The following KIRREL3 variants were observed in gnomAD, a reference collection of about 807,000 sequenced individuals.
The protein encoded by KIRREL3 is kin of IRRE-like protein 3.
In KIRREL3, 36 loss-of-function variants were observed where a neutral mutation model predicts 89.7. The observed-to-expected ratio is 0.40, with a 90% confidence interval of 0.31 to 0.53. The LOEUF is 0.53. Ranked by LOEUF, KIRREL3 falls within the 20% of genes least tolerant of loss-of-function variation. KIRREL3 has a pLI of 0.49. For missense variants in KIRREL3, 864 were observed against 1,056.6 expected (o/e 0.82, Z 2.53); for synonymous variants, 445 against 441.4 (o/e 1.01, Z -0.10).
At position 126,802,560 on chromosome 11, in the gene KIRREL3, A is replaced by G. The variant is rs1951073585; in HGVS notation, c.55+197895T>C. Among the ~76,000 whole-genome samples the G allele has an allele frequency of 6.6e-6, 1 of 152,100 alleles. No individual in the cohort carries two copies. The highest frequency in any genetic ancestry group is 1.5e-5 in the Non-Finnish European group (1 of 68,016). ...ACATGAGGTGACCTGGCATGTCTAC[A>G]TGGCCTCAGTGTGAGTGAGTGTGGG... On this transcript the variant is annotated intron_variant, in intron 1 of 16. Coordinates refer to ENST00000525144, the MANE Select transcript of KIRREL3 (RefSeq NM_032531.4). This position sits in a 1 kb window ranked among gnomAD's most constrained non-coding sequence, Gnocchi z 5.2.
chr11:126,790,859 T>G (rs1487760811), intron 1 of KIRREL3, among the ~76,000 whole-genome samples: 1 of 152,178 alleles, frequency 6.6e-6, no homozygotes, highest in Admixed American at 6.5e-5. Flanking sequence ...GCTTTGCCAC[T>G]GTCTCCTGTT....
intron 1 of KIRREL3, among the ~76,000 whole-genome samples, chr11:126,865,882 A>G (rs542547434): frequency 2.0e-5 from 3 of 151,986 alleles, no homozygotes; most frequent in South Asian, 4.2e-4. Context: ...TTTTAATTTT[A>G]ACTTTGTTTT....
intron 4 of KIRREL3, among the ~76,000 whole-genome samples, chr11:126,511,948 C>T (rs532122032): frequency 1.5e-3 from 221 of 152,300 alleles, no homozygotes; most frequent in African/African-American, 5.1e-3. Flanking sequence ...TCCCCCAGGG[C>T]GGGCCTCAGA....
chr11:126,959,351 G>A (rs1759633547), intron 1 of KIRREL3, among the ~76,000 whole-genome samples: 1 of 151,936 alleles, frequency 6.6e-6, no homozygotes, highest in Admixed American at 6.5e-5. Context: ...GCACGTGCAT[G>A]CGAGTGTGCA....
intron 1 of KIRREL3, among the ~76,000 whole-genome samples, chr11:126,746,965 T>A: frequency 6.6e-6 from 1 of 152,226 alleles, no homozygotes; most frequent in East Asian, 1.9e-4. Flanking sequence ...TCTCTGCTTT[T>A]AGTGTGCTCT....
At position 126,490,272 on chromosome 11, in the gene KIRREL3, G is replaced by A. The variant is rs571310595; in HGVS notation, c.434-16806C>T. 4.6e-5 allele frequency among the ~76,000 whole-genome samples: 7 copies of A among 152,178 alleles called. No individual in the cohort carries two copies. The highest frequency in any genetic ancestry group is 1.0e-4 in the Non-Finnish European group (7 of 67,994). On this transcript the variant is annotated intron_variant, in intron 4 of 16. Coordinates refer to ENST00000525144, the MANE Select transcript of KIRREL3 (RefSeq NM_032531.4). The surrounding 1 kb of genome is among the most constrained non-coding windows in gnomAD (Gnocchi z 4.2). ...CAAGGCAGCTTTACTTTCTGTGTAT[G>A]TTTATTTTAGACTCCCATTAGCATT...
At chr11:126,941,827 C>A (rs1313998191) in intron 1 of KIRREL3, among the ~76,000 whole-genome samples, 9 of 152,200 alleles carry the variant, frequency 5.9e-5, no homozygotes, top group African/African-American at 1.9e-4. Flanking sequence ...TCAGTGGGCT[C>A]AAAACTTTCC....
rs1949837669 is a variant in KIRREL3 at position 126,985,492 on chromosome 11, A to G, written c.55+14963T>C. Among the ~76,000 whole-genome samples, 2 of 152,092 alleles carry G rather than the reference A, an allele frequency of 1.3e-5. No homozygotes were observed. ...AAGGAAGGAAGGGCATTTAAATTAG[A>G]TTGTGGGGAGAGAGGTCAAGGAAAC... is the stretch of plus-strand genomic sequence containing the variant. On this transcript the variant is annotated intron_variant, in intron 1 of 16. Coordinates refer to ENST00000525144, the MANE Select transcript of KIRREL3 (RefSeq NM_032531.4). The surrounding 1 kb of genome is among the most constrained non-coding windows in gnomAD (Gnocchi z 5.3).
intron 5 of KIRREL3, among the ~76,000 whole-genome samples, chr11:126,472,626 A>C (rs1416704423): frequency 2.0e-5 from 3 of 151,356 alleles, no homozygotes; most frequent in African/African-American, 7.3e-5. Flanking sequence ...GAACCTGGCC[A>C]CTACTGTCCC....
In KIRREL3 at chr11:126,436,972, G is replaced by A. The variant is rs1411229030; in HGVS notation, c.1391C>T (p.Thr464Ile). Residue 464 changes from threonine to isoleucine, a missense_variant, in exon 12 of 17, where the codon ACA (threonine) becomes ATA (isoleucine). Physicochemically the swap from Thr to Ile is moderately conservative, Grantham distance 89. Coordinates refer to ENST00000525144, the MANE Select transcript of KIRREL3 (RefSeq NM_032531.4). ...SWKENVLESGTSGRYTVETIS... is the reference protein window; with the variant it reads ...SWKENVLESGISGRYTVETIS... The stretch of plus-strand genomic sequence containing the variant: ...GGTCTCCACCGTATAGCGCCCCGAT[G>A]TGCCCGACTCCAGAACGTTCTCCTT... 1.3e-6 allele frequency: 2 copies of A among 1,583,060 alleles called. No homozygotes were observed. Among genetic ancestry groups the A allele is most frequent in the South Asian group, 1.1e-5 (1 of 88,146 alleles).
At position 126,535,299 on chromosome 11, in the gene KIRREL3, A is replaced by G. The variant is rs77392339; in HGVS notation, c.134-8612T>C. Among the ~76,000 whole-genome samples the G allele has an allele frequency of 0.027, 4,084 of 152,122 alleles. 192 individuals carry two copies. Among genetic ancestry groups the G allele is most frequent in the African/African-American group, 0.091 (3,758 of 41,446 alleles). On this transcript the variant is annotated intron_variant, in intron 2 of 16. Transcript: ENST00000525144. This position sits in a 1 kb window ranked among gnomAD's most constrained non-coding sequence, Gnocchi z 4.5. ...ACCTGGATGCAGCGCCCTCATCTTA[A>G]TCTCTTTTCTGGGACTCGCAGCACA...
At chr11:126,822,467 C>T (rs1287548028) in intron 1 of KIRREL3, among the ~76,000 whole-genome samples, 1 of 131,486 alleles carries the variant, frequency 7.6e-6, no homozygotes. Flanking sequence ...AGGCTTTGCC[C>T]AGTTCCTGTT....
chr11:126,473,245 G>GCCCCCCCCCCCCCCCCC, intron 5 of KIRREL3, 64 bp downstream of exon 5: 2 of 420,430 alleles, frequency 4.8e-6, no homozygotes, highest in South Asian at 5.5e-5. Context: ...TGTCCACCTA[G>GCCCCCCCCCCCCCCCCC]CCCCCTCCCC....
At chr11:126,889,191 C>T (rs943668244) in intron 1 of KIRREL3, among the ~76,000 whole-genome samples, 6 of 152,140 alleles carry the variant, frequency 3.9e-5, no homozygotes, top group East Asian at 1.9e-4. Flanking sequence ...TTCTCTTCCC[C>T]TTAGTGACCC....
chr11:126,454,655 G>C lies in KIRREL3; in HGVS notation c.848+1694C>G, dbSNP rs1274498968. Reference sequence around the variant, plus strand: ...CTGGCAGGTGCAGCGTGGAAGCCTAGGGCCAGGGAGTCTCATTGGGCGCCT... The same window carrying C: ...CTGGCAGGTGCAGCGTGGAAGCCTACGGCCAGGGAGTCTCATTGGGCGCCT... On this transcript the variant is annotated intron_variant, in intron 7 of 16. Coordinates refer to ENST00000525144, the MANE Select transcript of KIRREL3 (RefSeq NM_032531.4). This position sits in a 1 kb window ranked among gnomAD's most constrained non-coding sequence, Gnocchi z 5.8. 6.6e-6 allele frequency among the ~76,000 whole-genome samples: 1 copy of C among 152,128 alleles called. No individual in the cohort carries two copies. The highest frequency in any genetic ancestry group is 1.5e-5 in the Non-Finnish European group (1 of 68,024).
intron 1 of KIRREL3, among the ~76,000 whole-genome samples, chr11:126,899,565 G>A (rs542053424): frequency 6.6e-6 from 1 of 152,204 alleles, no homozygotes; most frequent in African/African-American, 2.4e-5. Context: ...GGAAGGCAAA[G>A]CTTCCTCAAA....
rs1388625467 is a variant in KIRREL3 at position 126,575,392 on chromosome 11, T to C, written c.56-12480A>G. Among the ~76,000 whole-genome samples, 1 of 152,096 alleles carries C rather than the reference T, an allele frequency of 6.6e-6. No homozygotes were observed. The highest frequency in any genetic ancestry group is 2.4e-5 in the African/African-American group (1 of 41,420). The stretch of plus-strand genomic sequence containing the variant: ...ATCCACCTTCAGTCTCCTCAATGTG[T>C]ACAATGGAGAGGTCTTGGGCTGCAA... On this transcript the variant is annotated intron_variant, in intron 1 of 16. Coordinates refer to ENST00000525144, the MANE Select transcript of KIRREL3 (RefSeq NM_032531.4). The surrounding 1 kb of genome is among the most constrained non-coding windows in gnomAD (Gnocchi z 7.0).
chr11:126,537,630 C>T lies in KIRREL3; in HGVS notation c.134-10943G>A, dbSNP rs1038102641. 7.2e-5 allele frequency among the ~76,000 whole-genome samples: 11 copies of T among 152,272 alleles called. No individual in the cohort carries two copies. In the East Asian group the frequency reaches 2.1e-3, roughly 29 times the overall value. On this transcript the variant is annotated intron_variant, in intron 2 of 16. Coordinates refer to ENST00000525144, the MANE Select transcript of KIRREL3 (RefSeq NM_032531.4). This position sits in a 1 kb window ranked among gnomAD's most constrained non-coding sequence, Gnocchi z 4.3. ...TAGGAAGAACACAGGGTCAGTCAGC[C>T]CTAGGAAGGAACTCTGGCCCTGTAC...
chr11:126,472,965 GC>G (rs1200567080), intron 5 of KIRREL3, among the ~76,000 whole-genome samples: 33 of 38,772 alleles, frequency 8.5e-4, no homozygotes, highest in African/African-American at 3.9e-3. Flanking sequence ...CTCCCCAGCA[GC>G]CCCCCACCAT....
Sources: allele counts gnomAD v4.1 joint callset (sites outside exome capture counted in the v4.1 genomes callset), GRCh38; gene constraint gnomAD v4.1.1; non-coding constraint Gnocchi (gnomAD v3.1); transcripts MANE v1.5; gene names NCBI Gene and HGNC (gene_info 2026-07-23, HGNC 2026-07-21).